Variants in LILRB5 observed in about 807,000 individuals in gnomAD.
LILRB5 encodes leukocyte immunoglobulin-like receptor subfamily B member 5.
Under a neutral mutation model 68.4 loss-of-function variants are expected in LILRB5, and 61 were observed. The observed-to-expected ratio is 0.89, with a 90% confidence interval of 0.73 to 1.10. The LOEUF (loss-of-function observed/expected upper bound fraction) is 1.10, where lower values mean the gene tolerates loss of function less well. Among genes scored for constraint, LILRB5 ranks in the 50% least tolerant of loss-of-function variants. LILRB5 has a pLI of 0.00. For missense variants in LILRB5, 771 were observed against 751.6 expected, an observed-to-expected ratio of 1.03 and a Z score of -0.30; for synonymous variants, 356 against 315.8, an observed-to-expected ratio of 1.13 and a Z score of -1.35.
chr19:54,250,667 G>A lies in LILRB5; in HGVS notation c.*119C>T. 1.6e-6 allele frequency: 2 copies of A among 1,277,954 alleles called. No homozygotes were observed. The highest frequency in any genetic ancestry group is 2.2e-6 in the Non-Finnish European group (2 of 914,258). The allele number at this position is 1,277,954 out of a possible 1,614,324, so 79.2% of individuals were successfully genotyped here. A position where few individuals can be genotyped will look rare whatever the true frequency, so the allele number is the denominator to read the frequency against. ...CCAGAGTTCCCAGGATGTCCTGGTG[G>A]TCTTTGTTAGGGGTCCAGGCTGGCT... On this transcript the variant is annotated 3_prime_UTR_variant, in exon 13 of 13. Coordinates refer to ENST00000449561, the MANE Select transcript of LILRB5 (RefSeq NM_001081442.3).
At position 54,257,016 on chromosome 19, in the gene LILRB5, G is replaced by A; in HGVS notation, c.35-20C>T. On this transcript the variant is annotated intron_variant, in intron 1 of 12. Coordinates refer to ENST00000449561, the MANE Select transcript of LILRB5 (RefSeq NM_001081442.3). ...TCAGCCCTGGAAGAGAGTTCCCTGT[G>A]AGGGATTTGCCCCTGGAAGCCCCAG... The A allele has an allele frequency of 1.2e-6, 2 of 1,614,234 alleles. No homozygotes were observed. The highest frequency in any genetic ancestry group is 1.6e-4 in the Middle Eastern group (1 of 6,062).
chr19:54,251,997 T>G (rs393665), intron 12 of LILRB5, 57 bp downstream of exon 12: 1 of 1,528,460 alleles, frequency 6.5e-7, no homozygotes, highest in Non-Finnish European at 9.1e-7. Context: ...GAAGTCCTGC[T>G]GGATTAGATC....
intron 8 of LILRB5, 35 bp downstream of exon 8, chr19:54,253,983 C>T (rs780850726): frequency 2.6e-5 from 41 of 1,568,154 alleles, no homozygotes; most frequent in Non-Finnish European, 3.5e-5. Context: ...CTCCCCTGGT[C>T]TCCGCCCACC....
At chr19:54,251,279 C>G (rs2078945165) in intron 12 of LILRB5, 5 of 916,234 alleles carry the variant, frequency 5.5e-6, no homozygotes, top group Non-Finnish European at 8.3e-6. Context: ...CTGATGGAAT[C>G]TCAGGGACGC....
At chr19:54,251,411 G>A (rs55969902) in intron 12 of LILRB5, 132,674 of 591,284 alleles carry the variant, frequency 0.22, 19,088 homozygotes, top group Middle Eastern at 0.32. Context: ...CTGCTGCCTC[G>A]GGGCCTTTGC....
Position 54,256,472 on chromosome 19 carries a change from C to T in LILRB5, c.355+17G>A. The T allele has an allele frequency of 6.2e-7, 1 of 1,613,140 alleles. No individual in the cohort carries two copies. The highest frequency in any genetic ancestry group is 8.5e-7 in the Non-Finnish European group (1 of 1,179,550). On this transcript the variant is annotated intron_variant, in intron 3 of 12. Transcript: ENST00000449561. Reference sequence around the variant, plus strand: ...GAGGGCAGAGCCTGGGGCTGGGACCCCTGAGTGTCCTCTCACCTGTCGCCA... The same window carrying T: ...GAGGGCAGAGCCTGGGGCTGGGACCTCTGAGTGTCCTCTCACCTGTCGCCA...
Position 54,256,233 on chromosome 19 carries a change from A to T in LILRB5, c.465T>A (p.Leu155=). 1 of 1,613,978 alleles carries T rather than the reference A, an allele frequency of 6.2e-7. No individual in the cohort carries two copies. Among genetic ancestry groups the T allele is most frequent in the Non-Finnish European group, 8.5e-7 (1 of 1,179,984 alleles). ...DTLDGLLTFV[L]VEEEQKLPRT... ...TGGGGAGCTTCTGTTCTTCCTCAAC[A>T]AGAACAAACGTGAGAAGTCCGTCCA... Residue 155 remains leucine, a synonymous_variant, in exon 4 of 13, where the codon CTT becomes CTA. Transcript: ENST00000449561.
In LILRB5 at chr19:54,252,963, A is replaced by G; in HGVS notation, c.1382T>C (p.Val461Ala). The G allele has an allele frequency of 6.4e-7, 1 of 1,564,630 alleles. No homozygotes were observed. The highest frequency in any genetic ancestry group is 1.1e-5 in the South Asian group (1 of 90,572). ...QSGLGRHLGVVTGVSVAFVLL... is the reference protein window; with the variant it reads ...QSGLGRHLGVATGVSVAFVLL... ...GACGAAGGCCACTGAGACCCCAGTC[A>G]CAACCCCCAGGTGCCTTCCCAGACC... is the stretch of plus-strand genomic sequence containing the variant. Residue 461 changes from valine (V) to alanine (A), a missense_variant, in exon 9 of 13, where the codon GTG (valine) becomes GCG (alanine). Physicochemically the swap from Val to Ala is moderately conservative, Grantham distance 64. Transcript: ENST00000449561.
rs1012214080 is a variant in LILRB5 at position 54,256,491 on chromosome 19, G to T, written c.353C>A (p.Thr118Lys). ...EPSDPLELVA[T>K]GFYAEPTLLA... Reference sequence around the variant, plus strand: ...GGGACCCCTGAGTGTCCTCTCACCTGTCGCCACCAGCTCCAGGGGGTCACT... The same window carrying T: ...GGGACCCCTGAGTGTCCTCTCACCTTTCGCCACCAGCTCCAGGGGGTCACT... Residue 118 changes from threonine (T) to lysine (K), a missense_variant and splice_region_variant, in exon 3 of 13, where the codon ACA (threonine) becomes AAA (lysine). Transcript: ENST00000449561. The T allele has an allele frequency of 6.2e-7, 1 of 1,613,856 alleles. No individual in the cohort carries two copies. Among genetic ancestry groups the T allele is most frequent in the South Asian group, 1.1e-5 (1 of 91,084 alleles).
Position 54,252,726 on chromosome 19 carries a change from T to C in LILRB5, c.1474+145A>G, listed in dbSNP as rs2079000810. Reference sequence around the variant, plus strand: ...GCACTTCCACACATGCTCACATTTATTCTCTTCTTTCTCGATCGATTTTTC... The same window carrying C: ...GCACTTCCACACATGCTCACATTTACTCTCTTCTTTCTCGATCGATTTTTC... On this transcript the variant is annotated intron_variant, in intron 9 of 12. Transcript: ENST00000449561. 3 of 997,566 alleles carry C rather than the reference T, an allele frequency of 3.0e-6. No individual in the cohort carries two copies. The South Asian group carries it at 4.6e-5, about 15-fold the overall frequency. 61.8% of individuals were successfully genotyped at this position (997,566 alleles called of 1,614,324 possible). A position where few individuals can be genotyped will look rare whatever the true frequency, so the allele number is the denominator to read the frequency against.
In LILRB5 at chr19:54,254,381, G is replaced by A; in HGVS notation, c.1290C>T (p.Gly430=). The change falls in exon 7 of 13, where the codon GGC becomes GGT. Residue 430 remains glycine (G), a synonymous_variant. Coordinates refer to ENST00000449561, the MANE Select transcript of LILRB5 (RefSeq NM_001081442.3). ...PSGDPSLSPT[G]STPTPAGPED... ...GTGACTCACCAGGTGTGGGGGTGGA[G>A]CCTGTAGGTGAGAGGCTGGGATCCC... 1.3e-6 allele frequency: 2 copies of A among 1,583,938 alleles called. No individual in the cohort carries two copies. The highest frequency in any genetic ancestry group is 1.7e-6 in the Non-Finnish European group (2 of 1,164,984).
chr19:54,254,620 G>GC (rs750393301), intron 6 of LILRB5, 115 bp downstream of exon 6: 5 of 1,371,364 alleles, frequency 3.6e-6, no homozygotes, highest in African/African-American at 2.9e-5. Flanking sequence ...CTCTGGCTGA[G>GC]CCCCCCTCAA....
chr19:54,255,536 C>T lies in LILRB5; in HGVS notation c.702G>A (p.Val234=), dbSNP rs142496571. Residue 234 remains valine, a synonymous_variant, in exon 5 of 13, where the codon GTG becomes GTA. Coordinates refer to ENST00000449561, the MANE Select transcript of LILRB5 (RefSeq NM_001081442.3). ...GCAGGGTCAGGCTGCCTCCGCGGGC[C>T]ACGACAGAGCCCTGCGGGATCAGGA... ...PSLLIPQGSV[V]ARGGSLTLQC... The T allele has an allele frequency of 1.9e-6, 3 of 1,613,892 alleles. No individual in the cohort carries two copies. The highest frequency in any genetic ancestry group is 1.7e-5 in the Admixed American group (1 of 59,998).
chr19:54,252,892 G>A lies in LILRB5; in HGVS notation c.1453C>T (p.Gln485Ter). ...LLFLLLRHRH[Q>*]SKHRTSAHFY... ...TCACCCGATGTCCTGTGTTTGCTCT[G>A]ATGCCGATGTCGGAGGAGGAGGAAG... The change falls in exon 9 of 13, where the codon CAG (glutamine) becomes TAG (stop). Residue 485 changes from glutamine (Q) to a stop codon, truncating the protein, a stop_gained. Transcript: ENST00000449561. LOFTEE classifies it high-confidence loss of function. The A allele has an allele frequency of 6.2e-7, 1 of 1,600,464 alleles. No homozygotes were observed. Among genetic ancestry groups the A allele is most frequent in the Non-Finnish European group, 8.5e-7 (1 of 1,171,570 alleles).
chr19:54,253,695 C>G, intron 8 of LILRB5: 2 of 865,004 alleles, frequency 2.3e-6, no homozygotes, highest in Non-Finnish European at 1.8e-6. Context: ...GGGAAGTGAA[C>G]CCAGGAGTCT....
rs2079147325 is a variant in LILRB5 at position 54,256,483 on chromosome 19, T to C, written c.355+6A>G. 1.9e-6 allele frequency: 3 copies of C among 1,613,786 alleles called. No individual in the cohort carries two copies. Among genetic ancestry groups the C allele is most frequent in the East Asian group, 2.2e-5 (1 of 44,882 alleles). The stretch of plus-strand genomic sequence containing the variant: ...CTGGGGCTGGGACCCCTGAGTGTCC[T>C]CTCACCTGTCGCCACCAGCTCCAGG... On this transcript the variant is annotated splice_donor_region_variant and intron_variant, in intron 3 of 12. Coordinates refer to ENST00000449561, the MANE Select transcript of LILRB5 (RefSeq NM_001081442.3).
intron 6 of LILRB5, 22 bp from the exon 7 acceptor site, chr19:54,254,437 G>C (rs2079054481): frequency 1.3e-6 from 2 of 1,571,118 alleles, no homozygotes; most frequent in Non-Finnish European, 1.7e-6. Flanking sequence ...CACAGAAAGG[G>C]AGCGAGGCGC....
At chr19:54,256,401 G>A (rs922395220) in intron 3 of LILRB5, 59 bp from the exon 4 acceptor site, 1 of 1,590,946 alleles carries the variant, frequency 6.3e-7, no homozygotes, top group East Asian at 2.2e-5. Context: ...CATCCCCAGG[G>A]CTGGGCTGTG....
chr19:54,250,732 T>C lies in LILRB5; in HGVS notation c.*54A>G, dbSNP rs540521598. On this transcript the variant is annotated 3_prime_UTR_variant, in exon 13 of 13. Transcript: ENST00000449561. ...TCCACTGGGGGCAGCTCCTGTGCCT[T>C]CTGGAGTCTCTGAGTCTCCTTCTGT... The C allele has an allele frequency of 2.5e-6, 4 of 1,610,876 alleles. No homozygotes were observed. Among genetic ancestry groups the C allele is most frequent in the African/African-American group, 2.7e-5 (2 of 74,908 alleles).
Sources: allele counts gnomAD v4.1 joint callset, GRCh38; gene constraint gnomAD v4.1.1; transcripts MANE v1.5; gene names NCBI Gene and HGNC (gene_info 2026-07-23, HGNC 2026-07-21).